Variants in ROCK2 observed in about 807,000 individuals in gnomAD.
The protein encoded by ROCK2 is rho-associated protein kinase 2.
In ROCK2, 61 loss-of-function variants were observed where a neutral mutation model predicts 195.1. The observed-to-expected ratio is 0.31, with a 90% CI of 0.25 to 0.39. The LOEUF (loss-of-function observed/expected upper bound fraction) is 0.39, where lower values mean the gene tolerates loss of function less well. Among genes scored for constraint, ROCK2 ranks in the 10% least tolerant of loss-of-function variants. ROCK2 has a pLI of 1.00. For synonymous variants in ROCK2, 504 were observed against 545.5 expected (o/e 0.92, Z 1.06); for missense variants, 1,109 against 1,637.4 (o/e 0.68, Z 5.57).
chr2:11,229,373 T>C (rs1166604166), intron 5 of ROCK2, among the ~76,000 whole-genome samples: 2 of 151,990 alleles, frequency 1.3e-5, no homozygotes, highest in Non-Finnish European at 2.9e-5. Context: ...TCTAACCCTG[T>C]TTAAATGAAC....
chr2:11,331,173 AAAAAG>A (rs1668756370), intron 1 of ROCK2, among the ~76,000 whole-genome samples: 1 of 152,246 alleles, frequency 6.6e-6, no homozygotes, highest in Non-Finnish European at 1.5e-5. Flanking sequence ...ACCTAACATT[AAAAAG>A]AAAACTTCAA....
intron 32 of ROCK2, among the ~76,000 whole-genome samples, chr2:11,185,637 G>A (rs980862655): frequency 1.3e-5 from 2 of 152,190 alleles, no homozygotes; most frequent in Non-Finnish European, 2.9e-5. Flanking sequence ...GCTGAGGCAG[G>A]AGAGTCACTT....
At chr2:11,304,867 A>G (rs932165891) in intron 1 of ROCK2, among the ~76,000 whole-genome samples, 1 of 152,230 alleles carries the variant, frequency 6.6e-6, no homozygotes, top group African/African-American at 2.4e-5. Context: ...ACAAGTAGGG[A>G]AAACTGAGCA....
intron 1 of ROCK2, among the ~76,000 whole-genome samples, chr2:11,336,161 A>T (rs551841850): frequency 6.6e-6 from 1 of 152,226 alleles, no homozygotes; most frequent in African/African-American, 2.4e-5. Context: ...AAAAATGACA[A>T]ATCTTTCTTC....
chr2:11,325,679 G>A (rs1668528594), intron 1 of ROCK2, among the ~76,000 whole-genome samples: 2 of 152,124 alleles, frequency 1.3e-5, no homozygotes, highest in Non-Finnish European at 2.9e-5. Context: ...CTGAATGAAT[G>A]GGAAATCAAT....
intron 6 of ROCK2, among the ~76,000 whole-genome samples, chr2:11,225,819 C>T (rs1664792168): frequency 6.6e-6 from 1 of 152,134 alleles, no homozygotes; most frequent in African/African-American, 2.4e-5. Context: ...CCATATGATG[C>T]GTACAAACAG....
rs892242352 is a variant in ROCK2 at position 11,192,799 on chromosome 2, A to G, written c.3688-87T>C. On this transcript the variant is annotated intron_variant, in intron 30 of 32. Coordinates refer to ENST00000315872, the MANE Select transcript of ROCK2 (RefSeq NM_004850.5). This position sits in a 1 kb window ranked among gnomAD's most constrained non-coding sequence, Gnocchi z 5.0. ...ATTCTGATAGTGTAAGTAAAATAAA[A>G]TTAGCCTAAATTATTCAAAGAGAAG... 7.3e-7 allele frequency: 1 copy of G among 1,364,268 alleles called. No homozygotes were observed. Among genetic ancestry groups the G allele is most frequent in the African/African-American group, 1.5e-5 (1 of 68,620 alleles). 84.5% of individuals were successfully genotyped at this position (1,364,268 alleles called of 1,614,324 possible).
intron 23 of ROCK2, among the ~76,000 whole-genome samples, chr2:11,200,309 T>A (rs546677204): frequency 3.9e-4 from 60 of 152,344 alleles, no homozygotes; most frequent in African/African-American, 1.4e-3. Context: ...AATTTTTATT[T>A]TTCATAGTCC....
intron 3 of ROCK2, among the ~76,000 whole-genome samples, chr2:11,257,225 C>T (rs982588240): frequency 3.3e-5 from 5 of 151,274 alleles, no homozygotes; most frequent in Admixed American, 2.6e-4. Flanking sequence ...AGGAAGACAG[C>T]GATCAAAAGG....
chr2:11,313,777 T>A (rs1481528887), intron 1 of ROCK2, among the ~76,000 whole-genome samples: 2 of 151,972 alleles, frequency 1.3e-5, no homozygotes, highest in Non-Finnish European at 2.9e-5. Context: ...TTTACCTTTA[T>A]CCTCTTTGAT....
chr2:11,263,625 A>AGT (rs1666309928), intron 3 of ROCK2, among the ~76,000 whole-genome samples: 1 of 146,598 alleles, frequency 6.8e-6, no homozygotes, highest in Non-Finnish European at 1.5e-5. Context: ...AAGAAATCAA[A>AGT]GTATATATAT....
Position 11,266,244 on chromosome 2 carries a change from T to C in ROCK2, c.325-16446A>G, listed in dbSNP as rs540920399. 2.0e-5 allele frequency among the ~76,000 whole-genome samples: 3 copies of C among 152,344 alleles called. No homozygotes were observed. In the South Asian group the frequency reaches 6.2e-4, roughly 32 times the overall value. Reference sequence around the variant, plus strand: ...GGAGGTGTCACTTTTTTCAGAAATATGTTCATGGTGGTTTGTTGGGCTTGT... The same window carrying C: ...GGAGGTGTCACTTTTTTCAGAAATACGTTCATGGTGGTTTGTTGGGCTTGT... On this transcript the variant is annotated intron_variant, in intron 3 of 32. Transcript: ENST00000315872.
chr2:11,283,355 T>C (rs909845714), intron 3 of ROCK2, among the ~76,000 whole-genome samples: 5 of 148,782 alleles, frequency 3.4e-5, no homozygotes, highest in Non-Finnish European at 7.4e-5. Context: ...GGTCAGGAGA[T>C]CGAGACCATC....
intron 29 of ROCK2, 191 bp downstream of exon 29, chr2:11,194,065 G>C: frequency 2.2e-6 from 1 of 462,426 alleles, no homozygotes; most frequent in South Asian, 5.2e-5. Context: ...AAAAAATAAT[G>C]TATCAAAGGC....
chr2:11,196,350 T>G (rs1449745806), intron 27 of ROCK2, among the ~76,000 whole-genome samples: 1 of 152,196 alleles, frequency 6.6e-6, no homozygotes, highest in Non-Finnish European at 1.5e-5. Flanking sequence ...GTCGAAGTAC[T>G]TTTTCTGTAC....
chr2:11,305,829 C>G (rs1667843055), intron 1 of ROCK2, among the ~76,000 whole-genome samples: 1 of 152,124 alleles, frequency 6.6e-6, no homozygotes, highest in Non-Finnish European at 1.5e-5. Flanking sequence ...CAGGACCATT[C>G]TGTACTATTT....
In ROCK2 at chr2:11,344,605, C is replaced by A; in HGVS notation, c.-469G>T. 1 of 262,958 alleles carries A rather than the reference C, an allele frequency of 3.8e-6. No individual in the cohort carries two copies. The highest frequency in any genetic ancestry group is 5.7e-6 in the Non-Finnish European group (1 of 175,778). 16.3% of individuals were successfully genotyped at this position (262,958 alleles called of 1,614,324 possible). A position where few individuals can be genotyped will look rare whatever the true frequency, so the allele number is the denominator to read the frequency against. On this transcript the variant is annotated 5_prime_UTR_variant, in exon 1 of 33. Coordinates refer to ENST00000315872, the MANE Select transcript of ROCK2 (RefSeq NM_004850.5). This position sits in a 1 kb window ranked among gnomAD's most constrained non-coding sequence, Gnocchi z 5.4. Reference sequence around the variant, plus strand: ...GCCTTGCAGTCCCTCAGCCAGCTCCCGGCGCACACACTCCCGCGCGGCCGC... The same window carrying A: ...GCCTTGCAGTCCCTCAGCCAGCTCCAGGCGCACACACTCCCGCGCGGCCGC...
At chr2:11,323,585 GA>G (rs1411100276) in intron 1 of ROCK2, among the ~76,000 whole-genome samples, 1 of 152,112 alleles carries the variant, frequency 6.6e-6, no homozygotes, top group Admixed American at 6.5e-5. Context: ...ATACTACCCA[GA>G]AGAGGTCATA....
At chr2:11,268,823 T>C (rs1666519520) in intron 3 of ROCK2, among the ~76,000 whole-genome samples, 1 of 152,212 alleles carries the variant, frequency 6.6e-6, no homozygotes. Context: ...ATGGCTTTCA[T>C]CAAAATTCGG....
Sources: allele counts gnomAD v4.1 joint callset (sites outside exome capture counted in the v4.1 genomes callset), GRCh38; gene constraint gnomAD v4.1.1; non-coding constraint Gnocchi (gnomAD v3.1); transcripts MANE v1.5; gene names NCBI Gene and HGNC (gene_info 2026-07-23, HGNC 2026-07-21).